The following AGBL1 variants were observed in gnomAD, a reference collection of about 807,000 sequenced individuals.
AGBL1 encodes AGBL carboxypeptidase 1.
Under a neutral mutation model 118.9 loss-of-function variants are expected in AGBL1, and 130 were observed. The observed-to-expected ratio is 1.09, with a 90% CI of 0.95 to 1.26. The LOEUF (loss-of-function observed/expected upper bound fraction) is 1.26, where lower values mean the gene tolerates loss of function less well. AGBL1 is among the 50% of genes most tolerant of loss of function. The probability of loss-of-function intolerance (pLI) is 0.00; values close to 1 mark genes in which losing one functional copy is unlikely to be tolerated. For synonymous variants in AGBL1, 555 were observed against 478.9 expected (o/e 1.16, Z -2.08); for missense variants, 1,584 against 1,298.1 (o/e 1.22, Z -3.38).
Position 86,279,618 on chromosome 15 carries a change from C to T in AGBL1, c.2076-21C>T, listed in dbSNP as rs751817430. ...TCCCACCTCTCCCTTATTCTCTTCT[C>T]TTCTCCTCCTCTCTCTTTAGAAATC... On this transcript the variant is annotated intron_variant, in intron 15 of 22. Coordinates refer to ENST00000614907, the MANE Select transcript of AGBL1 (RefSeq NM_001386094.1). The T allele has an allele frequency of 2.5e-6, 4 of 1,610,816 alleles. No individual in the cohort carries two copies. In the South Asian group the frequency reaches 3.3e-5, roughly 13 times the overall value.
At chr15:86,471,966 G>A (rs920965154) in intron 18 of AGBL1, among the ~76,000 whole-genome samples, 3 of 152,162 alleles carry the variant, frequency 2.0e-5, no homozygotes, top group Admixed American at 6.5e-5. Context: ...TGACAAGTGT[G>A]CTTATAAGAC....
chr15:86,498,488 C>G (rs1219908728), intron 18 of AGBL1, among the ~76,000 whole-genome samples: 1 of 151,928 alleles, frequency 6.6e-6, no homozygotes, highest in Non-Finnish European at 1.5e-5. Context: ...ACCAGATGTT[C>G]ACTATGTTAC....
chr15:86,868,296 T>A (rs1431251954), intron 22 of AGBL1, among the ~76,000 whole-genome samples: 1 of 152,220 alleles, frequency 6.6e-6, no homozygotes, highest in Non-Finnish European at 1.5e-5. Flanking sequence ...GGACTATTCA[T>A]ATGTGGCACT....
chr15:86,516,394 A>T (rs774828996), intron 18 of AGBL1, among the ~76,000 whole-genome samples: 2 of 152,182 alleles, frequency 1.3e-5, no homozygotes, highest in Non-Finnish European at 2.9e-5. Flanking sequence ...TTTTCCTTTC[A>T]GTCTGGTGAC....
At chr15:86,262,980 T>C (rs1208237732) in intron 10 of AGBL1, 86 bp downstream of exon 10, 2 of 906,926 alleles carry the variant, frequency 2.2e-6, no homozygotes, top group Non-Finnish European at 3.5e-6. Flanking sequence ...GGTGTCCAGA[T>C]GGAAAGCATT....
chr15:86,393,392 T>C (rs1257661957), intron 17 of AGBL1, among the ~76,000 whole-genome samples: 5 of 152,218 alleles, frequency 3.3e-5, no homozygotes, highest in Admixed American at 1.3e-4. Flanking sequence ...CATTTTTTAT[T>C]TCTTCTTGCT....
intron 6 of AGBL1, among the ~76,000 whole-genome samples, chr15:86,225,463 G>T (rs2078346880): frequency 6.6e-6 from 1 of 152,150 alleles, no homozygotes; most frequent in South Asian, 2.1e-4. Context: ...CTTGGACAAT[G>T]ATGATGCTGA....
At chr15:86,766,552 A>G (rs2078099806) in intron 22 of AGBL1, among the ~76,000 whole-genome samples, 1 of 151,946 alleles carries the variant, frequency 6.6e-6, no homozygotes, top group Non-Finnish European at 1.5e-5. Flanking sequence ...ATTTATATGA[A>G]GATAGATGGT....
At position 86,421,836 on chromosome 15, in the gene AGBL1, G is replaced by T. The variant is rs2081795129; in HGVS notation, c.2555+24290G>T. ...ATAAAATAGACTTTAAACCAACAAA[G>T]ATTTAAAAAGACAAAGAAGGGCCTT... On this transcript the variant is annotated intron_variant, in intron 18 of 22. Coordinates refer to ENST00000614907, the MANE Select transcript of AGBL1 (RefSeq NM_001386094.1). Among the ~76,000 whole-genome samples, 3 of 152,078 alleles carry T rather than the reference G, an allele frequency of 2.0e-5. No homozygotes were observed. The South Asian group carries it at 6.2e-4, about 31-fold the overall frequency.
intron 18 of AGBL1, among the ~76,000 whole-genome samples, chr15:86,474,205 C>A (rs2082520020): frequency 6.6e-6 from 1 of 152,124 alleles, no homozygotes; most frequent in Non-Finnish European, 1.5e-5. Context: ...GTTCATCTCA[C>A]TGGGGCTTGT....
intron 21 of AGBL1, among the ~76,000 whole-genome samples, chr15:86,616,730 C>T (rs547359195): frequency 6.6e-6 from 1 of 152,288 alleles, no homozygotes; most frequent in South Asian, 2.1e-4. Flanking sequence ...TTACCAGTCA[C>T]CTGTCACTTT....
At chr15:86,627,150 G>A (rs1017906107) in intron 21 of AGBL1, among the ~76,000 whole-genome samples, 5 of 152,050 alleles carry the variant, frequency 3.3e-5, no homozygotes, top group Admixed American at 6.6e-5. Context: ...ACAGGCATGC[G>A]CCACCACCCC....
intron 17 of AGBL1, among the ~76,000 whole-genome samples, chr15:86,314,959 C>T (rs966511616): frequency 6.6e-6 from 1 of 152,186 alleles, no homozygotes; most frequent in Admixed American, 6.5e-5. Flanking sequence ...ACTGTCTAAG[C>T]TTCGGGTTCC....
intron 22 of AGBL1, among the ~76,000 whole-genome samples, chr15:86,721,877 G>A (rs1476691312): frequency 6.6e-6 from 1 of 152,168 alleles, no homozygotes; most frequent in Non-Finnish European, 1.5e-5. Flanking sequence ...TCAACAGAGA[G>A]CCAAATCATG....
At chr15:86,275,319 G>A (rs7180830) in intron 15 of AGBL1, among the ~76,000 whole-genome samples, 1,585 of 152,262 alleles carry the variant, frequency 0.01, 37 homozygotes, top group African/African-American at 0.034. Context: ...CTGCCATCAT[G>A]CATCCTTCCA....
At chr15:86,251,221 CATAAGTGTTGGAGCTAGG>C (rs2078810346) in intron 7 of AGBL1, among the ~76,000 whole-genome samples, 2 of 152,140 alleles carry the variant, frequency 1.3e-5, no homozygotes, top group South Asian at 4.2e-4. Flanking sequence ...TCGCAAAGCT[CATAAGTGTTGGAGCTAGG>C]ATTGGAATCT....
chr15:86,178,353 TAAGAA>T (rs1284352687), intron 5 of AGBL1, among the ~76,000 whole-genome samples: 1 of 151,750 alleles, frequency 6.6e-6, no homozygotes, highest in African/African-American at 2.4e-5. Flanking sequence ...TCCAGACTGA[TAAGAA>T]AAAGAGAGAA....
intron 18 of AGBL1, among the ~76,000 whole-genome samples, chr15:86,409,564 C>T (rs2081581899): frequency 6.6e-6 from 1 of 152,046 alleles, no homozygotes; most frequent in Non-Finnish European, 1.5e-5. Flanking sequence ...TTTATTATCC[C>T]CAAATTTAGA....
At chr15:86,729,985 A>T (rs560161801) in intron 22 of AGBL1, among the ~76,000 whole-genome samples, 1 of 152,106 alleles carries the variant, frequency 6.6e-6, no homozygotes, top group Non-Finnish European at 1.5e-5. Flanking sequence ...GTGAGATGGT[A>T]CCTCATTGTG....
Sources: gnomAD v4.1 joint callset for allele counts (sites outside exome capture counted in the v4.1 genomes callset) on GRCh38, gnomAD v4.1.1 for gene constraint, MANE v1.5 for transcripts, NCBI Gene and HGNC (gene_info 2026-07-23, HGNC 2026-07-21) for gene names.